PLXNB2: variants seen among roughly 807,000 people sequenced by gnomAD.
The protein encoded by PLXNB2 is plexin-B2.
In PLXNB2, 85 loss-of-function variants were observed where a neutral mutation model predicts 202.6. The ratio of observed to expected loss-of-function variants is 0.42; its 90% CI spans 0.35 to 0.50. The LOEUF is 0.50. Ranked by LOEUF, PLXNB2 falls within the 20% of genes least tolerant of loss-of-function variation. The probability of loss-of-function intolerance (pLI) is 0.02; values close to 1 mark genes in which losing one functional copy is unlikely to be tolerated. For synonymous variants in PLXNB2, 1,239 were observed against 1,137.6 expected (o/e 1.09, Z -1.79); for missense variants, 2,063 against 2,586.2 (o/e 0.80, Z 4.39).
In PLXNB2 at chr22:50,280,484, T is replaced by C. The variant is rs1479961095; in HGVS notation, c.4175+5A>G. 1 of 1,598,546 alleles carries C rather than the reference T, an allele frequency of 6.3e-7. No individual in the cohort carries two copies. Among genetic ancestry groups the C allele is most frequent in the Non-Finnish European group, 8.5e-7 (1 of 1,172,522 alleles). ...GGCCCCGCTCGTGGCCCCGCCCATG[T>C]GCACCTGCGCAGCATCAGCTTGGGG... On this transcript the variant is annotated splice_donor_5th_base_variant and intron_variant, in intron 25 of 36. Coordinates refer to ENST00000359337, the MANE Select transcript of PLXNB2 (RefSeq NM_012401.4).
chr22:50,286,418 C>A, intron 8 of PLXNB2, 131 bp from the exon 9 acceptor site: 3 of 640,988 alleles, frequency 4.7e-6, no homozygotes, highest in Non-Finnish European at 8.2e-6. Context: ...GCCAGGACGC[C>A]CCGCATTCAT....
At position 50,289,467 on chromosome 22, in the gene PLXNB2, G is replaced by C; in HGVS notation, c.1068+50C>G. 1.3e-6 allele frequency: 2 copies of C among 1,521,226 alleles called. No individual in the cohort carries two copies. The highest frequency in any genetic ancestry group is 1.2e-5 in the South Asian group (1 of 81,080). The allele number at this position is 1,521,226 out of a possible 1,614,324, so 94.2% of individuals were successfully genotyped here. A position where few individuals can be genotyped will look rare whatever the true frequency, so the allele number is the denominator to read the frequency against. ...AGCAGGCTGGGACACGCAAACCCACGAACGGACGCCTGCAGTCCGGGCCCT... is the reference window on the plus strand; with the variant it reads ...AGCAGGCTGGGACACGCAAACCCACCAACGGACGCCTGCAGTCCGGGCCCT... On this transcript the variant is annotated intron_variant, in intron 3 of 36. Coordinates refer to ENST00000359337, the MANE Select transcript of PLXNB2 (RefSeq NM_012401.4). The surrounding 1 kb of genome is among the most constrained non-coding windows in gnomAD (Gnocchi z 8.0).
chr22:50,300,486 G>A (rs1195588745), intron 1 of PLXNB2, among the ~76,000 whole-genome samples: 3 of 152,230 alleles, frequency 2.0e-5, no homozygotes, highest in Non-Finnish European at 4.4e-5. Flanking sequence ...CCAGGGTCAA[G>A]GCCAGACTCA....
chr22:50,282,826 G>T lies in PLXNB2; in HGVS notation c.2872C>A (p.Gln958Lys). Reference protein sequence around the residue: ...CVTGPQATRGQMLLEVSYGGS... With the variant: ...CVTGPQATRGKMLLEVSYGGS... ...CCGTAGGAGACCTCCAGAAGCATCTGGCCCCGTGTCGCCTGGGGGCCAGTG... is the reference window on the plus strand; with the variant it reads ...CCGTAGGAGACCTCCAGAAGCATCTTGCCCCGTGTCGCCTGGGGGCCAGTG... Residue 958 changes from glutamine (Q) to lysine (K), a missense_variant, in exon 18 of 37, where the codon CAG becomes AAG. Around this residue, in one of 2 missense-constraint regions of PLXNB2, gnomAD observed 1,303 missense variants for 1,476.8 expected, o/e 0.88. Transcript: ENST00000359337. 6.2e-7 allele frequency: 1 copy of T among 1,613,016 alleles called. No homozygotes were observed. Among genetic ancestry groups the T allele is most frequent in the South Asian group, 1.1e-5 (1 of 91,074 alleles).
At position 50,288,840 on chromosome 22, in the gene PLXNB2, T is replaced by C. The variant is rs1208878874; in HGVS notation, c.1283A>G (p.Glu428Gly). The C allele has an allele frequency of 6.2e-7, 1 of 1,613,390 alleles. No individual in the cohort carries two copies. The highest frequency in any genetic ancestry group is 1.6e-4 in the Middle Eastern group (1 of 6,062). ...VYLTPDGTSS[E>G]YDSILVEINK... Reference sequence around the variant, plus strand: ...TATCTCCACAAGGATAGAGTCGTACTCTGAGGAGGTGCCATCTGGGGTGAG... The same window carrying C: ...TATCTCCACAAGGATAGAGTCGTACCCTGAGGAGGTGCCATCTGGGGTGAG... The change falls in exon 5 of 37, where the codon GAG (glutamate) becomes GGG (glycine). Residue 428 changes from glutamate to glycine, a missense_variant. By Grantham distance (98) the Glu-to-Gly change is moderately conservative. Transcript: ENST00000359337. The surrounding 1 kb of genome is among the most constrained non-coding windows in gnomAD (Gnocchi z 5.0).
At chr22:50,296,731 C>T (rs2067305226) in intron 1 of PLXNB2, among the ~76,000 whole-genome samples, 2 of 152,144 alleles carry the variant, frequency 1.3e-5, no homozygotes, top group South Asian at 4.1e-4. Flanking sequence ...CCTGCTCAGG[C>T]CCCAGAGTCC....
chr22:50,276,285 G>C (rs2065565543), intron 35 of PLXNB2, among the ~76,000 whole-genome samples: 1 of 149,436 alleles, frequency 6.7e-6, no homozygotes, highest in African/African-American at 2.5e-5. Context: ...TGCAGCCGCA[G>C]GGAGGGGGCG....
In PLXNB2 at chr22:50,285,970, G is replaced by A. The variant is rs1352371170; in HGVS notation, c.1986+20C>T. On this transcript the variant is annotated intron_variant, in intron 10 of 36. Coordinates refer to ENST00000359337, the MANE Select transcript of PLXNB2 (RefSeq NM_012401.4). ...GCAGCCATGCCCTGAACAGTCCCCT[G>A]AGGCCCCGAGGCCCCTCACCATGTG... The A allele has an allele frequency of 1.9e-6, 3 of 1,608,802 alleles. No individual in the cohort carries two copies. The highest frequency in any genetic ancestry group is 2.5e-6 in the Non-Finnish European group (3 of 1,176,722).
rs2066694626 is a variant in PLXNB2, at chr22:50,289,243, G to T, written c.1069-101C>A. 3 of 1,122,132 alleles carry T rather than the reference G, an allele frequency of 2.7e-6. No individual in the cohort carries two copies. Among genetic ancestry groups the T allele is most frequent in the East Asian group, 2.6e-5 (1 of 38,488 alleles). The allele number at this position is 1,122,132 out of a possible 1,614,324, so 69.5% of individuals were successfully genotyped here. A position where few individuals can be genotyped will look rare whatever the true frequency, so the allele number is the denominator to read the frequency against. Reference sequence around the variant, plus strand: ...GGGACAGGCCCTTCCCTTCCCTCCGGCACACGTCCTACACACGTCCCCGAG... The same window carrying T: ...GGGACAGGCCCTTCCCTTCCCTCCGTCACACGTCCTACACACGTCCCCGAG... On this transcript the variant is annotated intron_variant, in intron 3 of 36. Coordinates refer to ENST00000359337, the MANE Select transcript of PLXNB2 (RefSeq NM_012401.4). This position sits in a 1 kb window ranked among gnomAD's most constrained non-coding sequence, Gnocchi z 8.0.
intron 1 of PLXNB2, among the ~76,000 whole-genome samples, chr22:50,303,774 T>C (rs1827508194): frequency 6.6e-6 from 1 of 152,174 alleles, no homozygotes. Flanking sequence ...TCCCTGCCTC[T>C]GATGCTGCTG....
chr22:50,306,610 G>A (rs73437491), intron 1 of PLXNB2, among the ~76,000 whole-genome samples: 13,921 of 152,076 alleles, frequency 0.092, 1,420 homozygotes, highest in African/African-American at 0.26. Flanking sequence ...TAAGTGGGGA[G>A]GGCGGGGGGG....
At chr22:50,285,748 T>G in intron 11 of PLXNB2, 52 bp downstream of exon 11, 1 of 1,213,634 alleles carries the variant, frequency 8.2e-7, no homozygotes, top group Non-Finnish European at 1.2e-6. Flanking sequence ...CCGGCACCCC[T>G]CCCTCCGCAC....
intron 2 of PLXNB2, among the ~76,000 whole-genome samples, chr22:50,293,706 C>T (rs1002347030): frequency 3.3e-5 from 5 of 152,344 alleles, no homozygotes; most frequent in Middle Eastern, 3.4e-3. Flanking sequence ...AACCCTGCGG[C>T]GCCCCTAGCC....
chr22:50,300,171 G>A (rs1012324220), intron 1 of PLXNB2: 3 of 701,588 alleles, frequency 4.3e-6, no homozygotes, highest in African/African-American at 1.9e-5. Flanking sequence ...TCACCAGGCC[G>A]GGGGCCCAGG....
Position 50,282,206 on chromosome 22 carries a change from G to A in PLXNB2, c.3095C>T (p.Ala1032Val). 1 of 1,611,298 alleles carries A rather than the reference G, an allele frequency of 6.2e-7. No homozygotes were observed. The highest frequency in any genetic ancestry group is 8.5e-7 in the Non-Finnish European group (1 of 1,179,470). Residue 1032 changes from alanine (A) to valine (V), a missense_variant, in exon 19 of 37, where the codon GCT becomes GTT. By Grantham distance (64) the Ala-to-Val change is moderately conservative. Transcript: ENST00000359337. ...PLQSWQPPRE[A>V]ESLQPMTVVG... The stretch of plus-strand genomic sequence containing the variant: ...GACCGTCATGGGCTGCAGGGATTCA[G>A]CCTCCCGCGGCGGCTGCCAGGACTG...
In PLXNB2 at chr22:50,279,021, C is replaced by T. The variant is rs1251376558; in HGVS notation, c.4390-10G>A. On this transcript the variant is annotated splice_polypyrimidine_tract_variant and intron_variant, in intron 27 of 36. Transcript: ENST00000359337. ...CGATCACGCTCACCGTCTGCCGAGA[C>T]ATCCGGGATGAAGCCCAGTGGGAGG... 6.3e-7 allele frequency: 1 copy of T among 1,596,158 alleles called. No homozygotes were observed. The highest frequency in any genetic ancestry group is 8.6e-7 in the Non-Finnish European group (1 of 1,169,122).
chr22:50,294,974 G>A (rs1261935800), intron 1 of PLXNB2, among the ~76,000 whole-genome samples, 196 bp from the exon 2 acceptor site: 2 of 152,176 alleles, frequency 1.3e-5, no homozygotes, highest in East Asian at 3.9e-4. Flanking sequence ...CCTCTGTCAG[G>A]GGCTTTCTGC....
rs562453686 is a variant in PLXNB2 at position 50,293,593 on chromosome 22, A to T, written c.-14+1126T>A. On this transcript the variant is annotated intron_variant, in intron 2 of 36. Coordinates refer to ENST00000359337, the MANE Select transcript of PLXNB2 (RefSeq NM_012401.4). ...CAGCCAGGCGCAGCTCCCGGGAATG[A>T]ATGGAATGCGCCCGCAGCTGGGAGG... Among the ~76,000 whole-genome samples, 684 of 152,290 alleles carry T rather than the reference A, an allele frequency of 4.5e-3. 7 individuals are homozygous for T. Among genetic ancestry groups the T allele is most frequent in the African/African-American group, 0.016 (664 of 41,558 alleles).
intron 7 of PLXNB2, 79 bp downstream of exon 7, chr22:50,287,588 C>T: frequency 7.3e-7 from 1 of 1,373,932 alleles, no homozygotes. Flanking sequence ...CCTGCCTGTC[C>T]CAACAGCTCC....
Sources: allele counts gnomAD v4.1 joint callset (sites outside exome capture counted in the v4.1 genomes callset), GRCh38; gene constraint gnomAD v4.1.1; regional missense constraint gnomAD v4.1.1; non-coding constraint Gnocchi (gnomAD v3.1); transcripts MANE v1.5; gene names NCBI Gene and HGNC (gene_info 2026-07-23, HGNC 2026-07-21).